Variants in UTS2 observed in about 807,000 individuals in gnomAD.
UTS2 encodes urotensin-2.
A neutral mutation model predicts 12.6 loss-of-function variants in UTS2; 10 were observed. The observed-to-expected ratio is 0.80, with a 90% CI of 0.49 to 1.35. The LOEUF is 1.35. Ranked by LOEUF, UTS2 falls within the 40% of genes most tolerant of loss-of-function variation. The probability of loss-of-function intolerance (pLI) is 0.00; values close to 1 mark genes in which losing one functional copy is unlikely to be tolerated. For synonymous variants in UTS2, 52 were observed against 50.0 expected (o/e 1.04, Z -0.17); for missense variants, 142 against 143.2 (o/e 0.99, Z 0.04).
At chr1:7,910,020 T>C in the UTS2 span, among the ~76,000 whole-genome samples, 3 of 152,210 alleles carry the variant, frequency 2.0e-5, no homozygotes, top group Non-Finnish European at 4.4e-5. Flanking sequence ...ACTTGCCTTT[T>C]AAAAGTAACA....
chr1:7,898,699 G>A, the UTS2 span, among the ~76,000 whole-genome samples: 1 of 151,912 alleles, frequency 6.6e-6, no homozygotes, highest in Non-Finnish European at 1.5e-5. Flanking sequence ...GGATGGCCTC[G>A]ATCTCCTGAC....
the UTS2 span, among the ~76,000 whole-genome samples, chr1:7,894,217 C>G: frequency 5.3e-5 from 8 of 150,192 alleles, no homozygotes; most frequent in Admixed American, 2.7e-4. Flanking sequence ...GGCTCTTGCT[C>G]TGTCTCCCAG....
chr1:7,907,614 C>T, the UTS2 span, among the ~76,000 whole-genome samples: 1 of 150,756 alleles, frequency 6.6e-6, no homozygotes, highest in Non-Finnish European at 1.5e-5. Context: ...GCACTCCAGC[C>T]TAAGCAACAG....
chr1:7,905,147 C>CT, the UTS2 span, among the ~76,000 whole-genome samples: 14,050 of 136,410 alleles, frequency 0.1, 2,457 homozygotes, highest in African/African-American at 0.36. Flanking sequence ...TTTCTTTTTT[C>CT]TTTTTTTTTT....
chr1:7,907,369 A>G, the UTS2 span, among the ~76,000 whole-genome samples: 2 of 151,354 alleles, frequency 1.3e-5, no homozygotes, highest in Non-Finnish European at 2.9e-5. Flanking sequence ...AGGTTATGCC[A>G]GGTACAATGA....
chr1:7,885,736 T>C, the UTS2 span, among the ~76,000 whole-genome samples: 1 of 151,670 alleles, frequency 6.6e-6, no homozygotes, highest in Non-Finnish European at 1.5e-5. Context: ...AGAATGGGCA[T>C]GGCCTAGGGT....
At chr1:7,897,512 T>C in the UTS2 span, among the ~76,000 whole-genome samples, 1 of 152,236 alleles carries the variant, frequency 6.6e-6, no homozygotes. Flanking sequence ...CTTTACAATA[T>C]GGAGGCTTTC....
chr1:7,882,849 A>C, the UTS2 span, among the ~76,000 whole-genome samples: 4 of 152,238 alleles, frequency 2.6e-5, no homozygotes, highest in Non-Finnish European at 4.4e-5. Flanking sequence ...GGAAATGAAA[A>C]TCAAAATCAC....
the UTS2 span, among the ~76,000 whole-genome samples, chr1:7,879,757 C>T: frequency 6.8e-6 from 1 of 146,892 alleles, no homozygotes; most frequent in Non-Finnish European, 1.5e-5. Flanking sequence ...ACAACAACAA[C>T]AAAAGTCTTG....
chr1:7,852,915 G>A lies in UTS2; in HGVS notation c.89C>T (p.Ser30Phe), dbSNP rs116479836. The stretch of plus-strand genomic sequence containing the variant: ...AAAAATCTTACCTGAGAGTTGAAAG[G>A]ATATTTCCCTGGAGTCAAGGAGAGG... The part of the protein sequence containing the change: ...SLPLLDSREI[S>F]FQLSAPHEDA... The change falls in exon 1 of 4, where the codon TCC becomes TTC. Residue 30 changes from serine (S) to phenylalanine (F), a missense_variant. Physicochemically the swap from Ser to Phe is radical, Grantham distance 155. Transcript: ENST00000361696. 2,526 of 1,609,578 alleles carry A rather than the reference G, an allele frequency of 1.6e-3. 40 individuals are homozygous for A. In the African/African-American group the frequency reaches 0.03, roughly 19 times the overall value.
At chr1:7,876,236 G>A in the UTS2 span, among the ~76,000 whole-genome samples, 692 of 152,248 alleles carry the variant, frequency 4.5e-3, 6 homozygotes, top group African/African-American at 0.016. Flanking sequence ...CCTACCTGCT[G>A]CCACCAGCAT....
chr1:7,854,132 T>C (rs1315870922), upstream of UTS2, among the ~76,000 whole-genome samples: 1 of 151,252 alleles, frequency 6.6e-6, no homozygotes, highest in African/African-American at 2.4e-5. Context: ...GATCACGAGG[T>C]CAGGAGTTTG....
In UTS2 at chr1:7,847,858, G is replaced by T. The variant is rs150389416; in HGVS notation, c.283C>A (p.Pro95Thr). ...RKFQDFSGQD[P>T]NILLSHLLAR... ...AAAAGATGACTCAGTAAAATGTTAG[G>T]ATCTTGTCCAGAGAAATCCTGAAAC... The change falls in exon 4 of 4, where the codon CCT becomes ACT. Residue 95 changes from proline (P) to threonine (T), a missense_variant. Pro to Thr is a conservative substitution (Grantham distance 38, BLOSUM62 -1). Coordinates refer to ENST00000361696, the MANE Select transcript of UTS2 (RefSeq NM_006786.4). The T allele has an allele frequency of 6.7e-4, 1,075 of 1,612,626 alleles. 1 individual carries two copies. The highest frequency in any genetic ancestry group is 8.5e-4 in the Non-Finnish European group (1,004 of 1,179,506).
the UTS2 span, among the ~76,000 whole-genome samples, chr1:7,894,333 C>T: frequency 6.6e-6 from 1 of 152,138 alleles, no homozygotes; most frequent in South Asian, 2.1e-4. Flanking sequence ...ACCACTACAT[C>T]CAGCTAGTTT....
the UTS2 span, among the ~76,000 whole-genome samples, chr1:7,911,758 G>T: frequency 2.7e-3 from 407 of 152,128 alleles, 4 homozygotes; most frequent in African/African-American, 9.4e-3. Context: ...AAAAATTAGC[G>T]GGAGTGGTGG....
At chr1:7,889,439 C>T in the UTS2 span, among the ~76,000 whole-genome samples, 1 of 48,898 alleles carries the variant, frequency 2.0e-5, no homozygotes, top group Non-Finnish European at 3.5e-5. Flanking sequence ...AAGATCTTAT[C>T]ACCAAAAAAA....
chr1:7,858,344 C>T (rs745340396), upstream of UTS2, among the ~76,000 whole-genome samples: 1 of 152,140 alleles, frequency 6.6e-6, no homozygotes, highest in African/African-American at 2.4e-5. Flanking sequence ...AAGTGGGATT[C>T]CTCTAATTAG....
At chr1:7,859,985 C>T in the UTS2 span, among the ~76,000 whole-genome samples, 1 of 140,914 alleles carries the variant, frequency 7.1e-6, no homozygotes, top group African/African-American at 2.5e-5. Context: ...GGCGACAGAG[C>T]GAGATCCTGT....
At chr1:7,882,271 G>C in the UTS2 span, among the ~76,000 whole-genome samples, 3 of 152,248 alleles carry the variant, frequency 2.0e-5, no homozygotes, top group East Asian at 5.8e-4. Context: ...GGAAGTCAAG[G>C]CTGCAGTGAA....
Sources: allele counts gnomAD v4.1 joint callset (sites outside exome capture counted in the v4.1 genomes callset), GRCh38; gene constraint gnomAD v4.1.1; transcripts MANE v1.5; gene names NCBI Gene and HGNC (gene_info 2026-07-23, HGNC 2026-07-21).